The following FLYWCH1 variants were observed in gnomAD, a reference collection of about 807,000 sequenced individuals.
FLYWCH1 encodes the protein FLYWCH-type zinc finger 1, also known as FLYWCH-type zinc finger-containing protein 1.
In FLYWCH1, 75 loss-of-function variants were observed where a neutral mutation model predicts 66.4. The ratio of observed to expected loss-of-function variants is 1.13; its 90% CI spans 0.94 to 1.37. The LOEUF is 1.37. Ranked by LOEUF, FLYWCH1 falls within the 40% of genes most tolerant of loss-of-function variation. FLYWCH1 has a pLI of 0.00. For synonymous variants in FLYWCH1, 595 were observed against 429.9 expected (o/e 1.38, Z -4.75); for missense variants, 1,334 against 1,001.8 (o/e 1.33, Z -4.48).
Position 2,951,171 on chromosome 16 carries a change from T to A in FLYWCH1, c.*2444T>A, listed in dbSNP as rs2151045575. 6.6e-6 allele frequency: 1 copy of A among 152,392 alleles called. No homozygotes were observed. The highest frequency in any genetic ancestry group is 3.4e-3 in the Middle Eastern group (1 of 294). The allele number at this position is 152,392 out of a possible 1,614,324, so 9.4% of individuals were successfully genotyped here. A position where few individuals can be genotyped will look rare whatever the true frequency, so the allele number is the denominator to read the frequency against. ...ACATGACAGTGCCAACAACATCTCATGAAATTTAAAATAAATCCCCAAGGC... is the reference window on the plus strand; with the variant it reads ...ACATGACAGTGCCAACAACATCTCAAGAAATTTAAAATAAATCCCCAAGGC... On this transcript the variant is annotated 3_prime_UTR_variant, in exon 10 of 10. Transcript: ENST00000253928.
chr16:2,921,050 C>T (rs1282953519), intron 2 of FLYWCH1, among the ~76,000 whole-genome samples: 3 of 151,624 alleles, frequency 2.0e-5, no homozygotes, highest in Non-Finnish European at 4.4e-5. Flanking sequence ...ACTGTGTTAG[C>T]CCGGATGGTC....
chr16:2,922,865 A>G (rs1415971623), intron 2 of FLYWCH1: 1 of 524,316 alleles, frequency 1.9e-6, no homozygotes, highest in Non-Finnish European at 3.8e-6. Flanking sequence ...TGTCTTCTTC[A>G]TGGCAGACTC....
At chr16:2,937,444 G>A (rs1028411657) in intron 7 of FLYWCH1, 60 bp downstream of exon 7, 15 of 1,468,222 alleles carry the variant, frequency 1.0e-5, no homozygotes, top group South Asian at 1.4e-5. Context: ...TGCCCCACAC[G>A]CTGGCTGGAG....
intron 2 of FLYWCH1, among the ~76,000 whole-genome samples, chr16:2,924,320 G>C (rs1183919980): frequency 1.4e-5 from 2 of 147,306 alleles, no homozygotes; most frequent in Admixed American, 1.4e-4. Flanking sequence ...GACAGAGCGA[G>C]ACTCCATCTC....
chr16:2,945,077 T>C (rs531024304), intron 9 of FLYWCH1, among the ~76,000 whole-genome samples: 51 of 151,880 alleles, frequency 3.4e-4, no homozygotes, highest in African/African-American at 1.1e-3. Flanking sequence ...TGGCCGGGCA[T>C]GGTGGCTCAC....
chr16:2,930,068 A>G, intron 3 of FLYWCH1, 58 bp downstream of exon 3: 1 of 1,461,760 alleles, frequency 6.8e-7, no homozygotes, highest in South Asian at 1.3e-5. Flanking sequence ...CGCTCCCAGC[A>G]GGCCCTGTAC....
intron 1 of FLYWCH1, chr16:2,913,354 G>C: frequency 6.6e-6 from 1 of 152,338 alleles, no homozygotes. Flanking sequence ...GCTGTGGGAA[G>C]GAGTAAATAA....
rs529435225 is a variant in FLYWCH1, at chr16:2,934,944, G to A, written c.1513+965G>A. On this transcript the variant is annotated intron_variant, in intron 6 of 9. Transcript: ENST00000253928. Reference sequence around the variant, plus strand: ...CTTTTTTTTTTTTTTTTTTCTTTGAGACGGAGTCTTGCTTTATCACCCAGG... The same window carrying A: ...CTTTTTTTTTTTTTTTTTTCTTTGAAACGGAGTCTTGCTTTATCACCCAGG... 8.9e-5 allele frequency: 14 copies of A among 157,624 alleles called. No homozygotes were observed. The South Asian group carries it at 1.4e-3, about 16-fold the overall frequency. 9.8% of individuals were successfully genotyped at this position (157,624 alleles called of 1,614,324 possible). A position where few individuals can be genotyped will look rare whatever the true frequency, so the allele number is the denominator to read the frequency against.
At chr16:2,947,881 T>A (rs1487568001) in intron 9 of FLYWCH1, among the ~76,000 whole-genome samples, 3 of 150,974 alleles carry the variant, frequency 2.0e-5, no homozygotes, top group Admixed American at 2.0e-4. Flanking sequence ...AAAAAAAAAT[T>A]TTTTTTTTAA....
chr16:2,918,618 T>C (rs1471708982), intron 2 of FLYWCH1, among the ~76,000 whole-genome samples: 1 of 151,604 alleles, frequency 6.6e-6, no homozygotes, highest in African/African-American at 2.4e-5. Flanking sequence ...TTTTTGTATT[T>C]TCAGTAGAGA....
intron 9 of FLYWCH1, among the ~76,000 whole-genome samples, chr16:2,941,368 G>A (rs1451015181): frequency 6.6e-6 from 1 of 152,168 alleles, no homozygotes; most frequent in East Asian, 1.9e-4. Flanking sequence ...TGCACTGAAA[G>A]CCGTGCTTAG....
intron 2 of FLYWCH1, among the ~76,000 whole-genome samples, chr16:2,922,085 T>G (rs751917768): frequency 1.3e-5 from 2 of 152,156 alleles, no homozygotes. Flanking sequence ...CTTAAATGGG[T>G]ACATTTTGAA....
chr16:2,946,027 G>C (rs2071473121), intron 9 of FLYWCH1, among the ~76,000 whole-genome samples: 1 of 152,044 alleles, frequency 6.6e-6, no homozygotes, highest in Non-Finnish European at 1.5e-5. Flanking sequence ...CTTGTAGAAT[G>C]AGGTTCTAAA....
intron 6 of FLYWCH1, chr16:2,936,892 C>T (rs540921470): frequency 2.6e-4 from 169 of 658,292 alleles, no homozygotes; most frequent in South Asian, 2.1e-3. Context: ...GACGCTTGGC[C>T]GCCACCTGCA....
chr16:2,942,092 A>G (rs1451414991), intron 9 of FLYWCH1, among the ~76,000 whole-genome samples: 6 of 152,062 alleles, frequency 3.9e-5, no homozygotes, highest in Admixed American at 3.9e-4. Context: ...GATCAATAAA[A>G]TTGACAAATA....
At chr16:2,944,208 G>A (rs2071387042) in intron 9 of FLYWCH1, among the ~76,000 whole-genome samples, 1 of 151,724 alleles carries the variant, frequency 6.6e-6, no homozygotes, top group Non-Finnish European at 1.5e-5. Context: ...GGAACATGGA[G>A]AAACTCCGTC....
chr16:2,933,866 A>T lies in FLYWCH1; in HGVS notation c.1400A>T (p.Gln467Leu). ...RMGCRSRAIT[Q>L]GRRVTVMRGH... Reference sequence around the variant, plus strand: ...GGCTGCCGCAGCCGCGCCATCACCCAGGGCCGACGGGTGACTGTCATGCGT... The same window carrying T: ...GGCTGCCGCAGCCGCGCCATCACCCTGGGCCGACGGGTGACTGTCATGCGT... The change falls in exon 6 of 10, where the codon CAG becomes CTG. Residue 467 changes from glutamine to leucine, a missense_variant. By Grantham distance (113) the Gln-to-Leu change is moderately radical (BLOSUM62 -2). Coordinates refer to ENST00000253928, the MANE Select transcript of FLYWCH1 (RefSeq NM_001308068.2). 1 of 1,602,554 alleles carries T rather than the reference A, an allele frequency of 6.2e-7. No individual in the cohort carries two copies.
At chr16:2,927,916 A>G (rs1355071556) in intron 2 of FLYWCH1, among the ~76,000 whole-genome samples, 2 of 152,222 alleles carry the variant, frequency 1.3e-5, no homozygotes, top group East Asian at 1.9e-4. Flanking sequence ...GTATTTATTG[A>G]TGACTATTTT....
chr16:2,915,659 G>C (rs1046062893), intron 2 of FLYWCH1, among the ~76,000 whole-genome samples: 5 of 152,078 alleles, frequency 3.3e-5, no homozygotes, highest in African/African-American at 1.2e-4. Flanking sequence ...TGTAATCCCA[G>C]CACTTTGAGA....
Sources: allele counts gnomAD v4.1 joint callset (sites outside exome capture counted in the v4.1 genomes callset), GRCh38; gene constraint gnomAD v4.1.1; transcripts MANE v1.5; gene names NCBI Gene and HGNC (gene_info 2026-07-23, HGNC 2026-07-21).